Variants in UIMC1 observed in about 807,000 individuals in gnomAD.
The protein encoded by UIMC1 is BRCA1-A complex subunit RAP80.
A neutral mutation model predicts 84.9 loss-of-function variants in UIMC1; 42 were observed. The ratio of observed to expected loss-of-function variants is 0.49; its 90% confidence interval spans 0.39 to 0.64. UIMC1 has a LOEUF of 0.64. Among genes scored for constraint, UIMC1 ranks in the 30% least tolerant of loss-of-function variants. The probability of loss-of-function intolerance (pLI) is 0.00; values close to 1 mark genes in which losing one functional copy is unlikely to be tolerated. For missense variants in UIMC1, 825 were observed against 847.6 expected (o/e 0.97, Z 0.33); for synonymous variants, 281 against 293.0 (o/e 0.96, Z 0.42).
At chr5:176,968,192 T>G (rs1768603628) in intron 6 of UIMC1, among the ~76,000 whole-genome samples, 1 of 151,932 alleles carries the variant, frequency 6.6e-6, no homozygotes, top group African/African-American at 2.4e-5. Context: ...GCCAACAGGG[T>G]AAAACCCCGT....
intron 1 of UIMC1, among the ~76,000 whole-genome samples, chr5:176,985,472 A>C (rs1254213255): frequency 1.3e-5 from 2 of 151,330 alleles, no homozygotes; most frequent in East Asian, 1.9e-4. Flanking sequence ...AAAAAAAAAA[A>C]CAACTATATA....
intron 6 of UIMC1, among the ~76,000 whole-genome samples, chr5:176,965,632 T>C (rs1383786074): frequency 6.6e-6 from 1 of 152,228 alleles, no homozygotes; most frequent in Non-Finnish European, 1.5e-5. Flanking sequence ...AGTCCTCTTT[T>C]TAATTAAGCT....
intron 8 of UIMC1, among the ~76,000 whole-genome samples, chr5:176,952,250 T>C (rs1455660644): frequency 6.6e-6 from 1 of 152,214 alleles, no homozygotes; most frequent in Non-Finnish European, 1.5e-5. Context: ...AAAGAGATGA[T>C]TAGCAAAAAC....
chr5:176,935,900 T>C (rs1025770771), intron 10 of UIMC1, among the ~76,000 whole-genome samples: 6 of 152,160 alleles, frequency 3.9e-5, no homozygotes, highest in Non-Finnish European at 8.8e-5. Context: ...TTCCAGGAGA[T>C]ATCCCCGAAG....
intron 10 of UIMC1, among the ~76,000 whole-genome samples, chr5:176,942,442 A>G (rs1400842746): frequency 6.6e-6 from 1 of 152,130 alleles, no homozygotes; most frequent in East Asian, 1.9e-4. Context: ...TTAATACGTT[A>G]AAAGATGGGC....
chr5:177,019,284 C>T (rs1212276841), intron 1 of UIMC1, among the ~76,000 whole-genome samples: 1 of 152,004 alleles, frequency 6.6e-6, no homozygotes, highest in Non-Finnish European at 1.5e-5. Flanking sequence ...TGAAGAAATC[C>T]CTCACAGAAA....
intron 4 of UIMC1, 87 bp from the exon 5 acceptor site, chr5:176,969,793 A>G: frequency 9.4e-7 from 1 of 1,064,962 alleles, no homozygotes; most frequent in Non-Finnish European, 1.4e-6. Flanking sequence ...ATGGGAGGCC[A>G]CCGTTCATAA....
At chr5:176,974,362 A>G (rs115606968) in intron 3 of UIMC1, among the ~76,000 whole-genome samples, 2 of 152,338 alleles carry the variant, frequency 1.3e-5, no homozygotes, top group African/African-American at 4.8e-5. Context: ...AATGAACCTT[A>G]ATTCTTACCT....
In UIMC1 at chr5:176,928,925, T is replaced by C. The variant is rs914852810; in HGVS notation, c.1597+14410A>G. On this transcript the variant is annotated intron_variant, in intron 10 of 14. Coordinates refer to ENST00000511320, the MANE Select transcript of UIMC1 (RefSeq NM_001199298.2). ...GAGATCGCGCCACTGCACTCCAACCTGGGCAACAGAGTGAAACTACGTCTT... is the reference window on the plus strand; with the variant it reads ...GAGATCGCGCCACTGCACTCCAACCCGGGCAACAGAGTGAAACTACGTCTT... 9.9e-5 allele frequency among the ~76,000 whole-genome samples: 15 copies of C among 151,398 alleles called. No homozygotes were observed. The East Asian group carries it at 1.6e-3, about 16-fold the overall frequency.
At chr5:176,993,453 T>C (rs1773165991) in intron 1 of UIMC1, among the ~76,000 whole-genome samples, 1 of 152,090 alleles carries the variant, frequency 6.6e-6, no homozygotes, top group Admixed American at 6.6e-5. Context: ...TCTCCCAAAG[T>C]GCTGGGATTA....
chr5:176,975,489 A>G lies in UIMC1; in HGVS notation c.148-9T>C, dbSNP rs984552866. On this transcript the variant is annotated splice_polypyrimidine_tract_variant and intron_variant, in intron 2 of 14. Transcript: ENST00000511320. ...TTTTCCTCCTTTGGTTCCTGTTGCAAAACAAGAAATATCATCAGTGTGGCT... is the reference window on the plus strand; with the variant it reads ...TTTTCCTCCTTTGGTTCCTGTTGCAGAACAAGAAATATCATCAGTGTGGCT... 4 of 1,613,794 alleles carry G rather than the reference A, an allele frequency of 2.5e-6. No homozygotes were observed. In the African/African-American group the frequency reaches 5.3e-5, roughly 22 times the overall value.
chr5:176,919,237 C>T (rs1027539007), intron 10 of UIMC1: 2 of 354,206 alleles, frequency 5.6e-6, no homozygotes, highest in South Asian at 2.1e-5. Context: ...CAAGGTTCCA[C>T]TACTGCACTC....
At chr5:176,945,926 T>C (rs1765050145) in intron 9 of UIMC1, among the ~76,000 whole-genome samples, 1 of 152,208 alleles carries the variant, frequency 6.6e-6, no homozygotes, top group African/African-American at 2.4e-5. Flanking sequence ...CTGAGGAACA[T>C]ACTATATTGT....
chr5:176,920,594 G>A (rs1377971628), intron 10 of UIMC1, among the ~76,000 whole-genome samples: 4 of 152,124 alleles, frequency 2.6e-5, no homozygotes, highest in African/African-American at 9.7e-5. Flanking sequence ...TTCACTGCTA[G>A]TGTACAAAAA....
At chr5:176,918,844 CCCT>C (rs1178041190) in intron 10 of UIMC1, among the ~76,000 whole-genome samples, 1 of 152,184 alleles carries the variant, frequency 6.6e-6, no homozygotes, top group African/African-American at 2.4e-5. Context: ...TTAAATACAG[CCCT>C]CCTACTTATT....
At chr5:176,926,148 T>C (rs1477026836) in intron 10 of UIMC1, among the ~76,000 whole-genome samples, 1 of 151,984 alleles carries the variant, frequency 6.6e-6, no homozygotes, top group Non-Finnish European at 1.5e-5. Flanking sequence ...TAAAGATGAA[T>C]AAAGAGATAT....
intron 8 of UIMC1, among the ~76,000 whole-genome samples, chr5:176,954,452 T>C (rs971077433): frequency 1.2e-4 from 19 of 152,108 alleles, no homozygotes; most frequent in African/African-American, 3.9e-4. Context: ...AAAACCAACA[T>C]AGGCTGAGCA....
intron 10 of UIMC1, among the ~76,000 whole-genome samples, chr5:176,923,001 TG>T (rs2149408460): frequency 1.3e-5 from 2 of 152,338 alleles, no homozygotes; most frequent in South Asian, 4.1e-4. Context: ...GGAGTCTAAC[TG>T]CCTTTGAATC....
chr5:176,922,199 A>T (rs960016903), intron 10 of UIMC1, among the ~76,000 whole-genome samples: 1 of 152,196 alleles, frequency 6.6e-6, no homozygotes, highest in Non-Finnish European at 1.5e-5. Context: ...ACAAAAAGGT[A>T]AGCTTTATAA....
Sources: allele counts gnomAD v4.1 joint callset (sites outside exome capture counted in the v4.1 genomes callset), GRCh38; gene constraint gnomAD v4.1.1; transcripts MANE v1.5; gene names NCBI Gene and HGNC (gene_info 2026-07-23, HGNC 2026-07-21).